Variants in PFKFB3 observed in about 807,000 individuals in gnomAD.
The protein encoded by PFKFB3 is 6-phosphofructo-2-kinase/fructose-2,6-biphosphatase 3, also known as 6-phosphofructo-2-kinase/fructose-2,6-bisphosphatase 3.
PFKFB3 carries 33 observed loss-of-function variants against 68.0 expected under a neutral mutation model. The observed-to-expected ratio is 0.49, with a 90% CI of 0.37 to 0.65. PFKFB3 has a LOEUF of 0.65. Ranked by LOEUF, PFKFB3 falls within the 30% of genes least tolerant of loss-of-function variation. PFKFB3 has a pLI of 0.00. For synonymous variants in PFKFB3, 315 were observed against 288.2 expected (o/e 1.09, Z -0.94); for missense variants, 586 against 712.2 (o/e 0.82, Z 2.02).
chr10:6,188,778 G>C (rs1319518464), intron 1 of PFKFB3, among the ~76,000 whole-genome samples: 1 of 150,190 alleles, frequency 6.7e-6, no homozygotes, highest in East Asian at 1.9e-4. Flanking sequence ...TTAGCAAAAA[G>C]TCCTTAAGGT....
At chr10:6,226,777 G>A (rs1335743867) in intron 14 of PFKFB3, among the ~76,000 whole-genome samples, 1 of 152,178 alleles carries the variant, frequency 6.6e-6, no homozygotes, top group Non-Finnish European at 1.5e-5. Flanking sequence ...GGTTATCCCA[G>A]CAGGTAGTAA....
At position 6,154,839 on chromosome 10, in the gene PFKFB3, C is replaced by T. The variant is rs1356531718; in HGVS notation, c.16+9826C>T. Among the ~76,000 whole-genome samples the T allele has an allele frequency of 3.9e-5, 6 of 152,208 alleles. No homozygotes were observed. The highest frequency in any genetic ancestry group is 6.5e-5 in the Admixed American group (1 of 15,286). On this transcript the variant is annotated intron_variant, in intron 1 of 14. Transcript: ENST00000379789. This position sits in a 1 kb window ranked among gnomAD's most constrained non-coding sequence, Gnocchi z 4.6. Reference sequence around the variant, plus strand: ...GACGCTGGGAGCCAGGTGGCCGAGGCGGTCGAGGCCTGGGTTGTAGTGAGC... The same window carrying T: ...GACGCTGGGAGCCAGGTGGCCGAGGTGGTCGAGGCCTGGGTTGTAGTGAGC...
intron 14 of PFKFB3, among the ~76,000 whole-genome samples, chr10:6,250,974 G>A (rs1189426723): frequency 6.6e-6 from 1 of 152,118 alleles, no homozygotes; most frequent in Non-Finnish European, 1.5e-5. Flanking sequence ...CGAGTGCTGA[G>A]GTCTGAGCCT....
At chr10:6,193,825 G>T (rs1470598373) in intron 1 of PFKFB3, among the ~76,000 whole-genome samples, 1 of 152,138 alleles carries the variant, frequency 6.6e-6, no homozygotes, top group Non-Finnish European at 1.5e-5. Flanking sequence ...AGATTGTAAA[G>T]AACCTTCTTA....
chr10:6,322,292 C>T, the PFKFB3 span, among the ~76,000 whole-genome samples: 3 of 152,278 alleles, frequency 2.0e-5, no homozygotes, highest in Non-Finnish European at 2.9e-5. Context: ...ATTCGGCATT[C>T]GGCGACCTCC....
At chr10:6,258,761 T>C (rs1846512510), downstream of PFKFB3, among the ~76,000 whole-genome samples, 1 of 152,210 alleles carries the variant, frequency 6.6e-6, no homozygotes, top group Non-Finnish European at 1.5e-5. Flanking sequence ...CCTGGATTGA[T>C]GGCCTTGGCA....
intron 1 of PFKFB3, among the ~76,000 whole-genome samples, chr10:6,166,152 T>A (rs1412959932): frequency 6.6e-6 from 1 of 152,106 alleles, no homozygotes; most frequent in Non-Finnish European, 1.5e-5. Flanking sequence ...AGCTAATTTT[T>A]GTGATTTTTA....
intron 1 of PFKFB3, among the ~76,000 whole-genome samples, chr10:6,179,509 A>G (rs1386013681): frequency 6.6e-6 from 1 of 152,208 alleles, no homozygotes; most frequent in Non-Finnish European, 1.5e-5. Flanking sequence ...TAGATCACTC[A>G]GGCGTTTCCC....
the PFKFB3 span, among the ~76,000 whole-genome samples, chr10:6,279,262 C>G: frequency 5.3e-5 from 8 of 152,118 alleles, no homozygotes; most frequent in Non-Finnish European, 1.0e-4. Context: ...CAACTGACTT[C>G]TTTTTTAAAT....
upstream of PFKFB3, among the ~76,000 whole-genome samples, chr10:6,200,659 C>CGGGGGGGGGGGGGGGG (rs57019530): frequency 5.8e-5 from 4 of 68,962 alleles, no homozygotes; most frequent in African/African-American, 1.3e-4. Context: ...ATGTAAGGAG[C>CGGGGGGGGGGGGGGGG]GGGGGGGGGG....
chr10:6,265,612 T>G, the PFKFB3 span, among the ~76,000 whole-genome samples: 1 of 152,198 alleles, frequency 6.6e-6, no homozygotes, highest in South Asian at 2.1e-4. Context: ...GGTAATTATT[T>G]TGACCACCTG....
chr10:6,305,005 AT>A, the PFKFB3 span, among the ~76,000 whole-genome samples: 54 of 14,520 alleles, frequency 3.7e-3, 1 homozygote, highest in African/African-American at 8.7e-3. Context: ...AATATTAGGA[AT>A]TTTTTTTTTT....
At chr10:6,286,871 C>T in the PFKFB3 span, among the ~76,000 whole-genome samples, 1 of 151,906 alleles carries the variant, frequency 6.6e-6, no homozygotes, top group Admixed American at 6.6e-5. Context: ...AATTATCTTC[C>T]CTCTCTTAGC....
chr10:6,206,547 CA>C (rs1843716433), intron 1 of PFKFB3, among the ~76,000 whole-genome samples: 2 of 100,344 alleles, frequency 2.0e-5, no homozygotes, highest in Admixed American at 1.0e-4. Flanking sequence ...AGGCGCCCCT[CA>C]CCTCCCGGAC....
At chr10:6,277,309 C>T in the PFKFB3 span, among the ~76,000 whole-genome samples, 1 of 152,006 alleles carries the variant, frequency 6.6e-6, no homozygotes, top group Non-Finnish European at 1.5e-5. Context: ...TCTGGACTCA[C>T]TGCAACCTCC....
chr10:6,216,587 C>A, intron 4 of PFKFB3, 119 bp from the exon 5 acceptor site: 1 of 774,934 alleles, frequency 1.3e-6, no homozygotes, highest in Non-Finnish European at 2.2e-6. Context: ...ACAAGCTCCC[C>A]TGAAGCACTT....
chr10:6,263,274 T>C, the PFKFB3 span, among the ~76,000 whole-genome samples: 1 of 152,256 alleles, frequency 6.6e-6, no homozygotes, highest in Non-Finnish European at 1.5e-5. Context: ...AGGCACAGAT[T>C]ACTCATGCTG....
At chr10:6,210,414 G>A (rs1430961045) in intron 1 of PFKFB3, among the ~76,000 whole-genome samples, 1 of 95,402 alleles carries the variant, frequency 1.0e-5, no homozygotes. Context: ...AGGCTGGAGT[G>A]CAGTGGCGCT....
At chr10:6,212,246 G>A (rs2131928252) in intron 1 of PFKFB3, among the ~76,000 whole-genome samples, 1 of 152,352 alleles carries the variant, frequency 6.6e-6, no homozygotes, top group East Asian at 1.9e-4. Flanking sequence ...GCAGGATGCG[G>A]GAGTTGCCTG....
Sources: allele counts gnomAD v4.1 joint callset (sites outside exome capture counted in the v4.1 genomes callset), GRCh38; gene constraint gnomAD v4.1.1; non-coding constraint Gnocchi (gnomAD v3.1); transcripts MANE v1.5; gene names NCBI Gene and HGNC (gene_info 2026-07-23, HGNC 2026-07-21).